Variants in RYK observed in about 807,000 individuals in gnomAD.
RYK encodes inactive tyrosine-protein kinase RYK.
A neutral mutation model predicts 70.2 loss-of-function variants in RYK; 21 were observed. That is an observed-to-expected ratio of 0.30 (90% CI 0.21 to 0.43). RYK has a LOEUF of 0.43. Among genes scored for constraint, RYK ranks in the 20% least tolerant of loss-of-function variants. The pLI is 1.00. For synonymous variants in RYK, 267 were observed against 278.0 expected, an observed-to-expected ratio of 0.96 and a Z score of 0.39; for missense variants, 604 against 753.3, an observed-to-expected ratio of 0.80 and a Z score of 2.32.
intron 1 of RYK, among the ~76,000 whole-genome samples, chr3:134,239,831 G>A (rs2015277794): frequency 1.3e-5 from 2 of 152,336 alleles, no homozygotes; most frequent in Admixed American, 1.3e-4. Context: ...AGCACAGAGA[G>A]GCACTGGGGA....
In RYK at chr3:134,175,772, A is replaced by G; in HGVS notation, c.1416-4T>C. 1 of 1,613,774 alleles carries G rather than the reference A, an allele frequency of 6.2e-7. No individual in the cohort carries two copies. Among genetic ancestry groups the G allele is most frequent in the Non-Finnish European group, 8.5e-7 (1 of 1,179,694 alleles). On this transcript the variant is annotated splice_polypyrimidine_tract_variant and splice_region_variant and intron_variant, in intron 12 of 14. Coordinates refer to ENST00000623711, the MANE Select transcript of RYK (RefSeq NM_002958.4). ...AACTTGAAGTGTGTCATCAATGCTG[A>G]AAAGTAAAGATATGAACATCAAATG...
At chr3:134,184,336 C>T (rs2108158763) in intron 9 of RYK, among the ~76,000 whole-genome samples, 1 of 152,272 alleles carries the variant, frequency 6.6e-6, no homozygotes, top group Non-Finnish European at 1.5e-5. Context: ...TTTAAGTCTA[C>T]ATCTCCAAAG....
intron 11 of RYK, 113 bp from the exon 12 acceptor site, chr3:134,176,152 C>A (rs2013093059): frequency 1.6e-5 from 11 of 674,802 alleles, no homozygotes; most frequent in Admixed American, 1.1e-4. Context: ...TTTAAACCTA[C>A]ACACAGAATT....
intron 6 of RYK, among the ~76,000 whole-genome samples, chr3:134,196,559 G>A (rs1576515635): frequency 6.7e-6 from 1 of 149,950 alleles, no homozygotes; most frequent in African/African-American, 2.5e-5. Context: ...GGGCAACATA[G>A]TGAGACCCTG....
At chr3:134,180,070 G>A (rs1320263288) in intron 10 of RYK, 1 of 152,144 alleles carries the variant, frequency 6.6e-6, no homozygotes, top group Non-Finnish European at 1.5e-5. Flanking sequence ...AGAAGGTACA[G>A]GAAGGGTAGG....
intron 1 of RYK, among the ~76,000 whole-genome samples, chr3:134,241,512 C>T (rs2015327010): frequency 6.6e-6 from 1 of 152,126 alleles, no homozygotes; most frequent in African/African-American, 2.4e-5. Context: ...CTGATTATAA[C>T]ATGGTTCTGA....
At chr3:134,246,327 CACACACACACACACACAG>C in intron 1 of RYK, among the ~76,000 whole-genome samples, 1 of 145,294 alleles carries the variant, frequency 6.9e-6, no homozygotes, top group Middle Eastern at 3.2e-3. Flanking sequence ...CACACACACA[CACACACACACACACACAG>C]AGAGAGAGAA....
chr3:134,227,959 C>T (rs1180895355), intron 1 of RYK, among the ~76,000 whole-genome samples: 2 of 152,176 alleles, frequency 1.3e-5, no homozygotes, highest in Non-Finnish European at 2.9e-5. Flanking sequence ...AGGCGTGAGC[C>T]ACCGTGCCTG....
chr3:134,250,581 G>A lies in RYK; in HGVS notation c.74C>T (p.Pro25Leu). 1 of 1,076,046 alleles carries A rather than the reference G, an allele frequency of 9.3e-7. No individual in the cohort carries two copies. Among genetic ancestry groups the A allele is most frequent in the Non-Finnish European group, 1.1e-6 (1 of 870,694 alleles). 66.7% of individuals were successfully genotyped at this position (1,076,046 alleles called of 1,614,324 possible). ...LPGARGLRAP[P>L]PPPLLLLLAL... is the part of the protein sequence containing the mutation. ...AAGCAGAAGCAGCAGCGGCGGCGGCGGCGGGGCCCTCAGGCCGCGGGCCCC... is the reference window on the plus strand; with the variant it reads ...AAGCAGAAGCAGCAGCGGCGGCGGCAGCGGGGCCCTCAGGCCGCGGGCCCC... The change falls in exon 1 of 15, where the codon CCG (proline) becomes CTG (leucine). Residue 25 changes from proline to leucine, a missense_variant. Pro to Leu is a moderately conservative substitution (Grantham distance 98). This residue lies in a region of RYK where 466 missense variants were observed against 535.9 expected (regional missense o/e 0.87). Transcript: ENST00000623711.
intron 8 of RYK, among the ~76,000 whole-genome samples, chr3:134,189,740 C>CAAA (rs57016937): frequency 6.5e-5 from 6 of 92,638 alleles, no homozygotes; most frequent in African/African-American, 1.3e-4. Context: ...GAGACTCCGC[C>CAAA]AAAAAAAAAA....
Position 134,250,417 on chromosome 3 carries a change from A to T in RYK, c.232+6T>A, listed in dbSNP as rs1380981290. The T allele has an allele frequency of 1.0e-5, 14 of 1,390,898 alleles. No homozygotes were observed. Among genetic ancestry groups the T allele is most frequent in the Non-Finnish European group, 1.3e-5 (14 of 1,069,832 alleles). The allele number at this position is 1,390,898 out of a possible 1,614,324, so 86.2% of individuals were successfully genotyped here. A position where few individuals can be genotyped will look rare whatever the true frequency, so the allele number is the denominator to read the frequency against. On this transcript the variant is annotated splice_donor_region_variant and intron_variant, in intron 1 of 14. Transcript: ENST00000623711. ...TGCCCGCCCCGGCCTCGGCGGCCCC[A>T]CTCACCGATCAGCCGGCGCACCTCG...
At chr3:134,246,235 G>C (rs764346405) in intron 1 of RYK, among the ~76,000 whole-genome samples, 12 of 148,406 alleles carry the variant, frequency 8.1e-5, no homozygotes, top group Admixed American at 2.0e-4. Flanking sequence ...CATGAGATTA[G>C]TTAAGAAAAT....
intron 10 of RYK, among the ~76,000 whole-genome samples, chr3:134,182,534 A>G (rs781550268): frequency 3.3e-5 from 5 of 152,190 alleles, no homozygotes; most frequent in African/African-American, 4.8e-5. Context: ...GTCTCTAGAT[A>G]CAGATGGATA....
At position 134,188,886 on chromosome 3, in the gene RYK, ATC is replaced by A; in HGVS notation, c.1051_1052del (p.Asp351Ter). On this transcript the variant is annotated frameshift_variant, in exon 9 of 15. Coordinates refer to ENST00000623711, the MANE Select transcript of RYK (RefSeq NM_002958.4). LOFTEE classifies it high-confidence loss of function. ...GTTTTTCTTTATTTGGATCTTTTTC[ATC>A]TATTAAAATCCCATGGAAAATACGC... ...FGRIFHGILI[D>X]EKDPNKEKQA... The A allele has an allele frequency of 6.3e-7, 1 of 1,580,254 alleles. No individual in the cohort carries two copies. The highest frequency in any genetic ancestry group is 8.7e-7 in the Non-Finnish European group (1 of 1,154,364).
intron 10 of RYK, chr3:134,179,570 CACG>C (rs1226952429): frequency 1.3e-5 from 2 of 152,202 alleles, no homozygotes; most frequent in South Asian, 2.1e-4. Context: ...AGAGCAAGTA[CACG>C]GAGAAAAATA....
chr3:134,179,596 C>T (rs1412040564), intron 10 of RYK: 1 of 152,198 alleles, frequency 6.6e-6, no homozygotes, highest in Non-Finnish European at 1.5e-5. Flanking sequence ...AGATCTTCAT[C>T]TGATTCAATA....
chr3:134,190,912 T>C lies in RYK; in HGVS notation c.1015+937A>G, dbSNP rs77252593. ...TGCAAAAAGATCTGCAAACTAGTTA[T>C]GCTTAGAAAACAGTCAACTATTAAC... On this transcript the variant is annotated intron_variant, in intron 8 of 14. Transcript: ENST00000623711. Among the ~76,000 whole-genome samples, 490 of 152,350 alleles carry C rather than the reference T, an allele frequency of 3.2e-3. 1 individual carries two copies. The highest frequency in any genetic ancestry group is 0.011 in the African/African-American group (456 of 41,586).
In RYK at chr3:134,217,356, C is replaced by A. The variant is rs866097096; in HGVS notation, c.354+5062G>T. ...AATGATCAGGTGACAAACCCTTCAT[C>A]AAGCCTCCCCTGCCCTCACGTGTGA... On this transcript the variant is annotated intron_variant, in intron 2 of 14. Coordinates refer to ENST00000623711, the MANE Select transcript of RYK (RefSeq NM_002958.4). Among the ~76,000 whole-genome samples the A allele has an allele frequency of 4.7e-4, 72 of 152,318 alleles. 1 individual carries two copies. Among genetic ancestry groups the A allele is most frequent in the African/African-American group, 1.7e-3 (71 of 41,576 alleles).
At chr3:134,230,102 C>G (rs532857452) in intron 1 of RYK, among the ~76,000 whole-genome samples, 1 of 152,124 alleles carries the variant, frequency 6.6e-6, no homozygotes, top group African/African-American at 2.4e-5. Context: ...ATCCCTCCCC[C>G]GAACGTTTTT....
Sources: allele counts gnomAD v4.1 joint callset (sites outside exome capture counted in the v4.1 genomes callset), GRCh38; gene constraint gnomAD v4.1.1; regional missense constraint gnomAD v4.1.1; transcripts MANE v1.5; gene names NCBI Gene and HGNC (gene_info 2026-07-23, HGNC 2026-07-21).